The following USP30 variants were observed in gnomAD, a reference collection of about 807,000 sequenced individuals.
USP30 encodes ubiquitin carboxyl-terminal hydrolase 30.
A neutral mutation model predicts 68.2 loss-of-function variants in USP30; 41 were observed. That is an observed-to-expected ratio of 0.60 (90% CI 0.47 to 0.78). The LOEUF is 0.78. Ranked by LOEUF, USP30 falls within the 30% of genes least tolerant of loss-of-function variation. The probability of loss-of-function intolerance (pLI) is 0.00; values close to 1 mark genes in which losing one functional copy is unlikely to be tolerated. For missense variants in USP30, 522 were observed against 649.4 expected (o/e 0.80, Z 2.13); for synonymous variants, 229 against 253.7 (o/e 0.90, Z 0.93).
intron 12 of USP30, 141 bp from the exon 13 acceptor site, chr12:109,085,526 A>AT (rs1222555370): frequency 9.9e-7 from 1 of 1,005,898 alleles, no homozygotes; most frequent in Non-Finnish European, 1.5e-6. Flanking sequence ...ACAGATCTGT[A>AT]TTTTAATAGT....
At chr12:109,045,414 C>T (rs1476050804) in intron 3 of USP30, among the ~76,000 whole-genome samples, 1 of 152,042 alleles carries the variant, frequency 6.6e-6, no homozygotes, top group Non-Finnish European at 1.5e-5. Flanking sequence ...TGTCTTGAAA[C>T]CAACAGAAAT....
intron 3 of USP30, among the ~76,000 whole-genome samples, chr12:109,032,869 T>G (rs763267961): frequency 9.2e-5 from 14 of 152,298 alleles, no homozygotes; most frequent in Admixed American, 2.0e-4. Flanking sequence ...TGGGTTTTAT[T>G]TCACACCAGA....
At position 109,073,498 on chromosome 12, in the gene USP30, C is replaced by T; in HGVS notation, c.686C>T (p.Thr229Ile). 1 of 1,613,904 alleles carries T rather than the reference C, an allele frequency of 6.2e-7. No individual in the cohort carries two copies. Among genetic ancestry groups the T allele is most frequent in the Non-Finnish European group, 8.5e-7 (1 of 1,179,746 alleles). ...KSQHPFHGRL[T>I]SNMVCKHCEH... ...CAACATCCTTTTCATGGAAGACTCACTAGTAATATGGTCTGCAAACACTGT... is the reference window on the plus strand; with the variant it reads ...CAACATCCTTTTCATGGAAGACTCATTAGTAATATGGTCTGCAAACACTGT... Residue 229 changes from threonine to isoleucine, a missense_variant, in exon 7 of 13, where the codon ACT (threonine) becomes ATT (isoleucine). Coordinates refer to ENST00000257548, the MANE Select transcript of USP30 (RefSeq NM_032663.5).
chr12:109,047,201 A>G (rs1423127342), intron 3 of USP30, among the ~76,000 whole-genome samples: 1 of 151,732 alleles, frequency 6.6e-6, no homozygotes, highest in African/African-American at 2.4e-5. Flanking sequence ...AACCCTTCTT[A>G]TGTTCATTCA....
chr12:109,066,656 C>T (rs780800915), intron 3 of USP30, among the ~76,000 whole-genome samples: 1 of 152,186 alleles, frequency 6.6e-6, no homozygotes, highest in Non-Finnish European at 1.5e-5. Flanking sequence ...TTGCACTCCA[C>T]CCTGGGCGAC....
At chr12:109,038,347 A>G (rs2040537146) in intron 3 of USP30, among the ~76,000 whole-genome samples, 1 of 152,004 alleles carries the variant, frequency 6.6e-6, no homozygotes, top group Non-Finnish European at 1.5e-5. Flanking sequence ...ATTCATTTTT[A>G]TGGTTGCATA....
chr12:109,086,564 TG>T lies in USP30; in HGVS notation c.*637del, dbSNP rs1372604558. 2 of 152,410 alleles carry T rather than the reference TG, an allele frequency of 1.3e-5. No individual in the cohort carries two copies. Among genetic ancestry groups the T allele is most frequent in the African/African-American group, 2.4e-5 (1 of 41,468 alleles). The allele number at this position is 152,410 out of a possible 1,614,324, so 9.4% of individuals were successfully genotyped here. A position where few individuals can be genotyped will look rare whatever the true frequency, so the allele number is the denominator to read the frequency against. On this transcript the variant is annotated 3_prime_UTR_variant, in exon 13 of 13. Coordinates refer to ENST00000257548, the MANE Select transcript of USP30 (RefSeq NM_032663.5). ...AGGCTCATCTGCCAAATCTGCCCCCTGGGGAAACTCTTTCACTACTTTGTCA... is the reference window on the plus strand; with the variant it reads ...AGGCTCATCTGCCAAATCTGCCCCCTGGGAAACTCTTTCACTACTTTGTCA...
At chr12:109,069,046 G>A (rs993061704) in intron 4 of USP30, among the ~76,000 whole-genome samples, 1 of 152,206 alleles carries the variant, frequency 6.6e-6, no homozygotes, top group Non-Finnish European at 1.5e-5. Context: ...AGGAATTACT[G>A]TTGTCCCCAT....
chr12:109,039,516 A>C (rs1248910571), intron 3 of USP30, among the ~76,000 whole-genome samples: 1 of 152,206 alleles, frequency 6.6e-6, no homozygotes, highest in Non-Finnish European at 1.5e-5. Context: ...TGTAGTGAGA[A>C]TATAAGGAGA....
chr12:109,041,498 G>C (rs1374239199), intron 3 of USP30, among the ~76,000 whole-genome samples: 1 of 152,100 alleles, frequency 6.6e-6, no homozygotes, highest in Non-Finnish European at 1.5e-5. Flanking sequence ...AGCCAGGCAT[G>C]GTGGTGCGTG....
chr12:109,034,439 T>G (rs1412078174), intron 3 of USP30, among the ~76,000 whole-genome samples: 1 of 152,174 alleles, frequency 6.6e-6, no homozygotes, highest in East Asian at 1.9e-4. Flanking sequence ...GAAAGTGTAT[T>G]CTGTAGGCCA....
chr12:109,078,531 A>T (rs183401414), intron 7 of USP30, among the ~76,000 whole-genome samples: 1 of 151,084 alleles, frequency 6.6e-6, no homozygotes, highest in Non-Finnish European at 1.5e-5. Flanking sequence ...CCTGGGAGGC[A>T]GAGGTTGCAG....
At chr12:109,043,213 G>A (rs146700962) in intron 3 of USP30, among the ~76,000 whole-genome samples, 6 of 152,216 alleles carry the variant, frequency 3.9e-5, no homozygotes, top group Middle Eastern at 3.4e-3. Context: ...TCAAAATCCC[G>A]TTTACTTTTT....
rs147678746 is a variant in USP30 at position 109,039,760 on chromosome 12, G to A, written c.-135-7830G>A. Reference sequence around the variant, plus strand: ...CAAATAGCTGGGACTACAGGTGCCCGCCACCACACCCAGTGAATTTTTGCA... The same window carrying A: ...CAAATAGCTGGGACTACAGGTGCCCACCACCACACCCAGTGAATTTTTGCA... On this transcript the variant is annotated intron_variant, in intron 3 of 15. Transcript: ENST00000392784. Among the ~76,000 whole-genome samples, 325 of 152,130 alleles carry A rather than the reference G, an allele frequency of 2.1e-3. 1 individual carries two copies. Among genetic ancestry groups the A allele is most frequent in the African/African-American group, 7.1e-3 (293 of 41,514 alleles).
At position 109,070,664 on chromosome 12, in the gene USP30, G is replaced by GT. The variant is rs1161457457; in HGVS notation, c.481-947dup. 6.6e-6 allele frequency among the ~76,000 whole-genome samples: 1 copy of GT among 152,194 alleles called. No homozygotes were observed. The highest frequency in any genetic ancestry group is 1.5e-5 in the Non-Finnish European group (1 of 68,042). ...ACACCAAAGGAGAAGCAGAGGGCCTGTGTTGTGACCCCGTTACTCCCGGAA... is the reference window on the plus strand; with the variant it reads ...ACACCAAAGGAGAAGCAGAGGGCCTGTTGTTGTGACCCCGTTACTCCCGGAA... On this transcript the variant is annotated intron_variant, in intron 4 of 12. Transcript: ENST00000257548. This position sits in a 1 kb window ranked among gnomAD's most constrained non-coding sequence, Gnocchi z 4.0.
intron 7 of USP30, 31 bp downstream of exon 7, chr12:109,073,563 G>T: frequency 1.3e-6 from 2 of 1,580,812 alleles, no homozygotes; most frequent in Non-Finnish European, 1.7e-6. Flanking sequence ...TGATATTTCC[G>T]GGAGAGGTTT....
intron 2 of USP30, chr12:109,027,330 G>A (rs556844781): frequency 6.6e-5 from 10 of 152,050 alleles, no homozygotes; most frequent in Non-Finnish European, 1.0e-4. Flanking sequence ...CCAGGTTGAC[G>A]TGCAGTGATG....
chr12:109,063,880 T>A (rs548857692), intron 3 of USP30, among the ~76,000 whole-genome samples: 1 of 145,758 alleles, frequency 6.9e-6, no homozygotes, highest in South Asian at 2.2e-4. Context: ...TTGGGTTTCT[T>A]TTTTTTTTTT....
chr12:109,025,315 A>T (rs550755498), intron 2 of USP30, among the ~76,000 whole-genome samples: 6 of 152,072 alleles, frequency 3.9e-5, no homozygotes, highest in African/African-American at 1.4e-4. Context: ...TATATGAGAG[A>T]TACCTTATAT....
Sources: gnomAD v4.1 joint callset for allele counts (sites outside exome capture counted in the v4.1 genomes callset) on GRCh38, gnomAD v4.1.1 for gene constraint, Gnocchi (gnomAD v3.1) non-coding constraint, MANE v1.5 for transcripts, NCBI Gene and HGNC (gene_info 2026-07-23, HGNC 2026-07-21) for gene names.